XYLT1: variants seen among roughly 807,000 people sequenced by gnomAD.
The protein encoded by XYLT1 is xylosyltransferase 1.
Under a neutral mutation model 91.3 loss-of-function variants are expected in XYLT1, and 36 were observed. The observed-to-expected ratio is 0.39, with a 90% CI of 0.30 to 0.52. XYLT1 has a LOEUF of 0.52. Among genes scored for constraint, XYLT1 ranks in the 20% least tolerant of loss-of-function variants. The pLI is 0.68. For synonymous variants in XYLT1, 588 were observed against 532.0 expected, an observed-to-expected ratio of 1.11 and a Z score of -1.45; for missense variants, 1,242 against 1,284.5, an observed-to-expected ratio of 0.97 and a Z score of 0.51.
At chr16:17,193,285 T>C (rs2032358875) in intron 5 of XYLT1, 1 of 152,236 alleles carries the variant, frequency 6.6e-6, no homozygotes. Flanking sequence ...TAGGTCCTTA[T>C]CATGCAAGAT....
chr16:17,159,081 T>C (rs1352363842), intron 5 of XYLT1, among the ~76,000 whole-genome samples, 172 bp from the exon 6 acceptor site: 4 of 152,192 alleles, frequency 2.6e-5, no homozygotes, highest in African/African-American at 9.7e-5. Context: ...TCACCATCAC[T>C]GACTCTATCA....
At chr16:17,140,136 C>A (rs529498947) in intron 7 of XYLT1, among the ~76,000 whole-genome samples, 38 of 152,260 alleles carry the variant, frequency 2.5e-4, no homozygotes, top group Middle Eastern at 3.4e-3. Flanking sequence ...CAGCTCTGAC[C>A]GGCAGGCAGC....
intron 3 of XYLT1, among the ~76,000 whole-genome samples, chr16:17,245,935 C>T (rs1191119726): frequency 2.0e-5 from 3 of 152,166 alleles, no homozygotes; most frequent in Non-Finnish European, 4.4e-5. Context: ...ATGGGATTGG[C>T]GCCCCCGCCT....
intron 9 of XYLT1, among the ~76,000 whole-genome samples, chr16:17,133,922 T>C (rs919439843): frequency 2.0e-5 from 3 of 152,188 alleles, no homozygotes; most frequent in Non-Finnish European, 4.4e-5. Flanking sequence ...TGAATGTTTT[T>C]AAAAGAGTTA....
At chr16:17,395,945 G>A (rs558485705) in intron 1 of XYLT1, among the ~76,000 whole-genome samples, 14 of 152,164 alleles carry the variant, frequency 9.2e-5, no homozygotes, top group Non-Finnish European at 1.9e-4. Context: ...TTCACAAGGC[G>A]CCACGGCAGA....
chr16:17,115,735 C>G (rs1257475005), intron 11 of XYLT1, among the ~76,000 whole-genome samples: 1 of 142,712 alleles, frequency 7.0e-6, no homozygotes, highest in African/African-American at 2.5e-5. Context: ...ATCCGCCTGC[C>G]TTGGCCTCCC....
intron 3 of XYLT1, among the ~76,000 whole-genome samples, chr16:17,207,002 C>G (rs1452976114): frequency 6.6e-6 from 1 of 151,636 alleles, no homozygotes; most frequent in African/African-American, 2.4e-5. Context: ...TTAGCATTGC[C>G]ACATAGAGAA....
rs1190751492 is a variant in XYLT1, at chr16:17,198,044, G to A, written c.1289+168C>T. On this transcript the variant is annotated intron_variant, in intron 5 of 11. Coordinates refer to ENST00000261381, the MANE Select transcript of XYLT1 (RefSeq NM_022166.4). ...CTCAGTCTCTATCTGTTGAATGCAT[G>A]AATGAATGAGTGAATGAATCAATGA... The A allele has an allele frequency of 5.6e-6, 4 of 711,236 alleles. No homozygotes were observed. In the East Asian group the frequency reaches 1.1e-4, roughly 19 times the overall value. 44.1% of individuals were successfully genotyped at this position (711,236 alleles called of 1,614,324 possible).
intron 3 of XYLT1, among the ~76,000 whole-genome samples, chr16:17,220,041 T>A (rs1449735672): frequency 6.6e-6 from 1 of 152,050 alleles, no homozygotes; most frequent in Non-Finnish European, 1.5e-5. Flanking sequence ...CAGGGGAAAG[T>A]GGGTGGGTCC....
rs1228820089 is a variant in XYLT1, at chr16:17,357,889, A to G, written c.402+123T>C. The G allele has an allele frequency of 5.0e-6, 5 of 997,436 alleles. No individual in the cohort carries two copies. In the East Asian group the frequency reaches 1.3e-4, roughly 25 times the overall value. The allele number at this position is 997,436 out of a possible 1,614,324, so 61.8% of individuals were successfully genotyped here. A position where few individuals can be genotyped will look rare whatever the true frequency, so the allele number is the denominator to read the frequency against. On this transcript the variant is annotated intron_variant, in intron 2 of 11. Coordinates refer to ENST00000261381, the MANE Select transcript of XYLT1 (RefSeq NM_022166.4). The stretch of plus-strand genomic sequence containing the variant: ...TATACATACATGTGCAGGCACACAC[A>G]CATCCAAATGGGACCAGGGGCAGCC...
intron 1 of XYLT1, among the ~76,000 whole-genome samples, chr16:17,422,472 T>A (rs146622104): frequency 7.4e-4 from 112 of 152,178 alleles, no homozygotes; most frequent in African/African-American, 2.6e-3. Context: ...GTGCTAGGAT[T>A]ACAGGTATGC....
At chr16:17,275,904 C>T (rs2033965454) in intron 2 of XYLT1, among the ~76,000 whole-genome samples, 1 of 152,178 alleles carries the variant, frequency 6.6e-6, no homozygotes, top group South Asian at 2.1e-4. Context: ...CTTGTAAGCT[C>T]ATTACCGCAG....
At chr16:17,125,897 C>CAA (rs2030244614) in intron 10 of XYLT1, among the ~76,000 whole-genome samples, 2 of 152,130 alleles carry the variant, frequency 1.3e-5, no homozygotes, top group African/African-American at 4.8e-5. Flanking sequence ...GAATGAGCAT[C>CAA]TTTTATTTCC....
At chr16:17,279,380 C>T (rs992553634) in intron 2 of XYLT1, among the ~76,000 whole-genome samples, 1 of 152,118 alleles carries the variant, frequency 6.6e-6, no homozygotes, top group African/African-American at 2.4e-5. Flanking sequence ...GTAGTATGTC[C>T]TTTTTCAACA....
At chr16:17,165,978 G>A (rs1370170011) in intron 5 of XYLT1, among the ~76,000 whole-genome samples, 2 of 152,226 alleles carry the variant, frequency 1.3e-5, no homozygotes, top group Admixed American at 6.5e-5. Flanking sequence ...AACCAAGCCT[G>A]TGGCTGCCAG....
In XYLT1 at chr16:17,158,733, T is replaced by C. The variant is rs1179564044; in HGVS notation, c.1370+96A>G. 4.4e-6 allele frequency: 6 copies of C among 1,374,420 alleles called. No individual in the cohort carries two copies. In the East Asian group the frequency reaches 9.2e-5, roughly 21 times the overall value. 85.1% of individuals were successfully genotyped at this position (1,374,420 alleles called of 1,614,324 possible). A position where few individuals can be genotyped will look rare whatever the true frequency, so the allele number is the denominator to read the frequency against. On this transcript the variant is annotated intron_variant, in intron 6 of 11. Coordinates refer to ENST00000261381, the MANE Select transcript of XYLT1 (RefSeq NM_022166.4). ...CCAAGCCTTTCTCCCACCCTCAACC[T>C]TTCTGTGGCTGCATGAAACCAGCCT... is the stretch of plus-strand genomic sequence containing the variant.
intron 1 of XYLT1, among the ~76,000 whole-genome samples, chr16:17,388,486 G>C (rs1033924682): frequency 3.3e-5 from 5 of 152,136 alleles, no homozygotes; most frequent in Non-Finnish European, 5.9e-5. Flanking sequence ...ACAGACCAGA[G>C]CTCCCCATTC....
chr16:17,366,061 CTTTTTT>C (rs11398471), intron 1 of XYLT1, among the ~76,000 whole-genome samples: 2 of 128,668 alleles, frequency 1.6e-5, no homozygotes, highest in African/African-American at 5.8e-5. Flanking sequence ...AGCTGGTTTG[CTTTTTT>C]TTTTTTTTTT....
intron 1 of XYLT1, among the ~76,000 whole-genome samples, chr16:17,415,502 C>T (rs2036169420): frequency 1.3e-5 from 2 of 152,118 alleles, no homozygotes; most frequent in South Asian, 4.1e-4. Context: ...CCACCCTGGG[C>T]AACATGGTGA....
Sources: allele counts gnomAD v4.1 joint callset (sites outside exome capture counted in the v4.1 genomes callset), GRCh38; gene constraint gnomAD v4.1.1; transcripts MANE v1.5; gene names NCBI Gene and HGNC (gene_info 2026-07-23, HGNC 2026-07-21).